The following ADAM12 variants were observed in gnomAD, a reference collection of about 807,000 sequenced individuals.
ADAM12 encodes ADAM metallopeptidase domain 12.
A neutral mutation model predicts 106.4 loss-of-function variants in ADAM12; 70 were observed. The ratio of observed to expected loss-of-function variants is 0.66; its 90% CI spans 0.54 to 0.80. The LOEUF is 0.80. ADAM12 is among the 30% of genes least tolerant of loss of function. The pLI is 0.00. For missense variants in ADAM12, 1,010 were observed against 1,171.9 expected, an observed-to-expected ratio of 0.86 and a Z score of 2.02; for synonymous variants, 420 against 433.5, an observed-to-expected ratio of 0.97 and a Z score of 0.39.
chr10:126,351,128 C>T (rs1420404421), intron 1 of ADAM12, among the ~76,000 whole-genome samples: 1 of 152,202 alleles, frequency 6.6e-6, no homozygotes, highest in Non-Finnish European at 1.5e-5. Flanking sequence ...GTGCCCTCAG[C>T]CCGGAGGCCC....
intron 3 of ADAM12, among the ~76,000 whole-genome samples, chr10:126,207,902 A>G (rs1047797307): frequency 2.0e-5 from 3 of 152,254 alleles, no homozygotes; most frequent in Admixed American, 2.0e-4. Context: ...TTCAATATGA[A>G]AAACACTAAA....
At chr10:126,278,616 T>C (rs535771689) in intron 3 of ADAM12, among the ~76,000 whole-genome samples, 50 of 152,290 alleles carry the variant, frequency 3.3e-4, no homozygotes, top group African/African-American at 1.2e-3. Flanking sequence ...AACTCTGTTA[T>C]TTGAACAGTA....
chr10:126,138,489 C>T (rs1017265792), intron 4 of ADAM12, among the ~76,000 whole-genome samples: 19 of 152,290 alleles, frequency 1.2e-4, no homozygotes, highest in African/African-American at 9.6e-5. Flanking sequence ...ATTCTCCTGC[C>T]TCAGCCACTG....
In ADAM12 at chr10:126,020,353, CTAGA is replaced by C. The variant is rs139226397; in HGVS notation, c.2530-532_2530-529del. ...CGCGAAATACACTGAAGTTCTTCCA[CTAGA>C]TACTTTCTCATAAGCTCAGAGAATT... On this transcript the variant is annotated intron_variant, in intron 21 of 22. Coordinates refer to ENST00000448723, the MANE Select transcript of ADAM12 (RefSeq NM_001288973.2). Among the ~76,000 whole-genome samples the C allele has an allele frequency of 7.9e-3, 1,209 of 152,276 alleles. 14 individuals carry two copies. The highest frequency in any genetic ancestry group is 0.023 in the African/African-American group (965 of 41,546).
intron 2 of ADAM12, among the ~76,000 whole-genome samples, chr10:126,283,072 T>C (rs1442449774): frequency 6.6e-6 from 1 of 151,870 alleles, no homozygotes; most frequent in African/African-American, 2.4e-5. Context: ...CATCAGGCGT[T>C]AGATTCTCAT....
At chr10:126,164,252 C>T (rs1713100277) in intron 3 of ADAM12, among the ~76,000 whole-genome samples, 1 of 152,188 alleles carries the variant, frequency 6.6e-6, no homozygotes, top group South Asian at 2.1e-4. Flanking sequence ...CATATTCATG[C>T]CATGCCAAAG....
chr10:126,258,859 G>A (rs533495018), intron 3 of ADAM12, among the ~76,000 whole-genome samples: 3 of 152,244 alleles, frequency 2.0e-5, no homozygotes, highest in South Asian at 4.2e-4. Context: ...TCCAGTGCAC[G>A]TAACAGCATA....
intron 5 of ADAM12, among the ~76,000 whole-genome samples, chr10:126,126,528 T>C (rs1459225954): frequency 6.6e-6 from 1 of 151,386 alleles, no homozygotes; most frequent in Admixed American, 6.6e-5. Flanking sequence ...GCAGGACTAT[T>C]GAACAAGCAT....
chr10:126,243,077 T>C (rs1958558826), intron 3 of ADAM12, among the ~76,000 whole-genome samples: 1 of 152,188 alleles, frequency 6.6e-6, no homozygotes, highest in East Asian at 1.9e-4. Context: ...ATTCACCCTG[T>C]CAGCGCGTGC....
At chr10:126,296,929 G>A (rs1456449789) in intron 2 of ADAM12, among the ~76,000 whole-genome samples, 1 of 152,134 alleles carries the variant, frequency 6.6e-6, no homozygotes, top group African/African-American at 2.4e-5. Context: ...TTTAAAGCTG[G>A]GATTCCTTCA....
chr10:126,133,419 C>T (rs866884919), intron 5 of ADAM12, among the ~76,000 whole-genome samples: 6 of 152,138 alleles, frequency 3.9e-5, no homozygotes, highest in African/African-American at 4.8e-5. Flanking sequence ...AATTTAGAGT[C>T]GCCAGCCTCT....
At chr10:126,256,302 G>A (rs938893009) in intron 3 of ADAM12, among the ~76,000 whole-genome samples, 3 of 152,174 alleles carry the variant, frequency 2.0e-5, no homozygotes, top group African/African-American at 7.2e-5. Flanking sequence ...AACAGTAGAA[G>A]GCCAATGTAT....
At chr10:126,285,870 G>A (rs892591357) in intron 2 of ADAM12, among the ~76,000 whole-genome samples, 1 of 152,132 alleles carries the variant, frequency 6.6e-6, no homozygotes, top group African/African-American at 2.4e-5. Flanking sequence ...TTCTCTCAGA[G>A]GTTTCCCACA....
Position 126,086,680 on chromosome 10 carries a change from AATATATAT to A in ADAM12, c.1145+7297_1145+7304del, listed in dbSNP as rs1210379675. Among the ~76,000 whole-genome samples, 50 of 24,264 alleles carry A rather than the reference AATATATAT, an allele frequency of 2.1e-3. 3 individuals are homozygous for A. The highest frequency in any genetic ancestry group is 0.013 in the African/African-American group (41 of 3,070). 15.9% of individuals were successfully genotyped at this position (24,264 alleles called of 152,430 possible). A position where few individuals can be genotyped will look rare whatever the true frequency, so the allele number is the denominator to read the frequency against. ...AAAAAAAAAAAAAAAAAAAAAAAAA[AATATATAT>A]ATATATATATATATATATAAAATAA... On this transcript the variant is annotated intron_variant, in intron 11 of 22. Transcript: ENST00000448723.
chr10:126,094,108 G>A lies in ADAM12; in HGVS notation c.1022C>T (p.Ala341Val), dbSNP rs760104569. The change falls in exon 11 of 23, where the codon GCA becomes GTA. Residue 341 changes from alanine (A) to valine (V), a missense_variant. This residue lies in a region of ADAM12 where 391 missense variants were observed against 442.9 expected (regional missense o/e 0.88). Coordinates refer to ENST00000448723, the MANE Select transcript of ADAM12 (RefSeq NM_001288973.2). ...VMDHSDNPLG[A>V]AVTLAHELGH... ...CAGCTCATGTGCCAGGGTCACGGCT[G>A]CACCAAGGGGATTGTCTGAATGGTC... is the stretch of plus-strand genomic sequence containing the variant. The A allele has an allele frequency of 1.9e-6, 3 of 1,613,996 alleles. No individual in the cohort carries two copies. Among genetic ancestry groups the A allele is most frequent in the South Asian group, 2.2e-5 (2 of 91,062 alleles).
chr10:126,127,607 T>C (rs1301009161), intron 5 of ADAM12, among the ~76,000 whole-genome samples: 2 of 152,204 alleles, frequency 1.3e-5, no homozygotes, highest in Non-Finnish European at 2.9e-5. Flanking sequence ...GACCTATACG[T>C]TGCAGGCACC....
chr10:126,133,154 C>A (rs1161478984), intron 5 of ADAM12, among the ~76,000 whole-genome samples: 1 of 152,138 alleles, frequency 6.6e-6, no homozygotes, highest in Non-Finnish European at 1.5e-5. Context: ...CAGGATGATA[C>A]TTCATTACTT....
intron 4 of ADAM12, among the ~76,000 whole-genome samples, chr10:126,137,048 A>G (rs1032400312): frequency 6.6e-6 from 1 of 151,876 alleles, no homozygotes; most frequent in Non-Finnish European, 1.5e-5. Flanking sequence ...GTTCTTCTTT[A>G]TTTTCTTCTA....
intron 17 of ADAM12, among the ~76,000 whole-genome samples, chr10:126,045,669 C>T (rs1048675577): frequency 2.6e-5 from 4 of 152,248 alleles, no homozygotes; most frequent in African/African-American, 9.6e-5. Context: ...GATCTGTTGT[C>T]CTTGTTTTAA....
Sources: allele counts gnomAD v4.1 joint callset (sites outside exome capture counted in the v4.1 genomes callset), GRCh38; gene constraint gnomAD v4.1.1; regional missense constraint gnomAD v4.1.1; transcripts MANE v1.5; gene names NCBI Gene and HGNC (gene_info 2026-07-23, HGNC 2026-07-21).